CABIN1: variants seen among roughly 807,000 people sequenced by gnomAD.
The protein encoded by CABIN1 is calcineurin binding protein 1.
Under a neutral mutation model 227.7 loss-of-function variants are expected in CABIN1, and 133 were observed. The observed-to-expected ratio is 0.58, with a 90% CI of 0.51 to 0.67. The LOEUF (loss-of-function observed/expected upper bound fraction) is 0.67, where lower values mean the gene tolerates loss of function less well. CABIN1 is among the 30% of genes least tolerant of loss of function. CABIN1 has a pLI of 0.00. For synonymous variants in CABIN1, 1,086 were observed against 1,155.1 expected, an observed-to-expected ratio of 0.94 and a Z score of 1.21; for missense variants, 2,408 against 2,852.5, an observed-to-expected ratio of 0.84 and a Z score of 3.55.
At chr22:24,157,256 C>T (rs900720476) in intron 29 of CABIN1, among the ~76,000 whole-genome samples, 1 of 152,104 alleles carries the variant, frequency 6.6e-6, no homozygotes, top group Non-Finnish European at 1.5e-5. Flanking sequence ...AACAGGACTG[C>T]GGGAGGGGCC....
At chr22:24,174,829 A>T (rs925819126) in intron 34 of CABIN1, among the ~76,000 whole-genome samples, 7 of 152,096 alleles carry the variant, frequency 4.6e-5, no homozygotes, top group Non-Finnish European at 1.0e-4. Context: ...CCGAGAGAAC[A>T]CAGAGGAAGC....
chr22:24,130,234 A>C (rs926641683), intron 28 of CABIN1, among the ~76,000 whole-genome samples: 1 of 152,182 alleles, frequency 6.6e-6, no homozygotes, highest in African/African-American at 2.4e-5. Flanking sequence ...GACAGGTTGC[A>C]TGAGGCCTGA....
At chr22:24,157,390 G>A (rs1237672916) in intron 29 of CABIN1, among the ~76,000 whole-genome samples, 2 of 152,152 alleles carry the variant, frequency 1.3e-5, no homozygotes, top group East Asian at 1.9e-4. Flanking sequence ...CTGGGCCAGG[G>A]CTCGGAGGGG....
chr22:24,166,539 C>T, intron 31 of CABIN1, 100 bp from the exon 32 acceptor site: 1 of 1,424,026 alleles, frequency 7.0e-7, no homozygotes. Flanking sequence ...ACACAGATGT[C>T]AGGTGGGAGA....
rs1481755367 is a variant in CABIN1, at chr22:24,097,508, A to G, written c.3939-506A>G. ...CTTTCTAGTGGCTACTTACTATACC[A>G]TAGTATGGATGTACCATGTTTTATG... On this transcript the variant is annotated intron_variant, in intron 25 of 36. Coordinates refer to ENST00000263119, the MANE Select transcript of CABIN1 (RefSeq NM_012295.4). Among the ~76,000 whole-genome samples the G allele has an allele frequency of 3.3e-5, 5 of 152,206 alleles. No individual in the cohort carries two copies. In the East Asian group the frequency reaches 7.7e-4, roughly 23 times the overall value.
At chr22:24,115,394 G>A (rs559995297) in intron 27 of CABIN1, among the ~76,000 whole-genome samples, 18 of 152,318 alleles carry the variant, frequency 1.2e-4, no homozygotes, top group African/African-American at 3.8e-4. Flanking sequence ...TGTGGGGCTG[G>A]CCATTGGTGA....
At chr22:24,045,002 G>C (rs867516555) in intron 6 of CABIN1, among the ~76,000 whole-genome samples, 5 of 150,966 alleles carry the variant, frequency 3.3e-5, no homozygotes, top group Non-Finnish European at 7.4e-5. Context: ...TTATCGCAAG[G>C]TCCACCTCCC....
chr22:24,114,254 C>T (rs2042964252), intron 27 of CABIN1, among the ~76,000 whole-genome samples: 1 of 152,178 alleles, frequency 6.6e-6, no homozygotes, highest in African/African-American at 2.4e-5. Context: ...CCTGGGGGGT[C>T]CAGGCCCCCT....
At chr22:24,092,599 C>T (rs942689947) in intron 24 of CABIN1, among the ~76,000 whole-genome samples, 5 of 152,124 alleles carry the variant, frequency 3.3e-5, no homozygotes, top group Admixed American at 2.0e-4. Flanking sequence ...CTCTACCAGT[C>T]TCACGTGCCC....
chr22:24,071,400 C>T (rs1301515838), intron 17 of CABIN1, among the ~76,000 whole-genome samples: 2 of 152,128 alleles, frequency 1.3e-5, no homozygotes, highest in Non-Finnish European at 2.9e-5. Flanking sequence ...CAGCATCCCA[C>T]GGTATCCTGG....
intron 33 of CABIN1, 123 bp from the exon 34 acceptor site, chr22:24,171,590 C>A: frequency 1.8e-6 from 2 of 1,099,710 alleles, no homozygotes; most frequent in Non-Finnish European, 2.7e-6. Context: ...GCCATATGGG[C>A]AGTGTTGGCA....
chr22:24,122,184 T>A lies in CABIN1; in HGVS notation c.4632+2486T>A, dbSNP rs565698745. The stretch of plus-strand genomic sequence containing the variant: ...ACAGCCTGCCCCTTCTCTTGATGAT[T>A]TTTTTAGAAGTAGAAAACAGTATTT... On this transcript the variant is annotated intron_variant, in intron 28 of 36. Coordinates refer to ENST00000263119, the MANE Select transcript of CABIN1 (RefSeq NM_012295.4). 7.2e-5 allele frequency among the ~76,000 whole-genome samples: 11 copies of A among 152,242 alleles called. No homozygotes were observed. The East Asian group carries it at 2.1e-3, about 29-fold the overall frequency.
intron 29 of CABIN1, among the ~76,000 whole-genome samples, chr22:24,151,384 G>A (rs2045474755): frequency 6.6e-6 from 1 of 152,090 alleles, no homozygotes. Context: ...TTGCAGCCTA[G>A]CCAGAGGAGC....
At chr22:24,088,783 C>T (rs1348813337) in intron 23 of CABIN1, among the ~76,000 whole-genome samples, 1 of 152,144 alleles carries the variant, frequency 6.6e-6, no homozygotes, top group Admixed American at 6.6e-5. Context: ...AATATGTACT[C>T]CTAGAAAAAA....
intron 1 of CABIN1, among the ~76,000 whole-genome samples, chr22:24,031,037 G>A (rs567110534): frequency 1.3e-5 from 2 of 152,292 alleles, no homozygotes; most frequent in Admixed American, 6.5e-5. Flanking sequence ...GTTGGCCTTG[G>A]CATGATGGCT....
intron 26 of CABIN1, among the ~76,000 whole-genome samples, chr22:24,107,660 A>G (rs1409855966): frequency 1.3e-5 from 2 of 152,206 alleles, no homozygotes; most frequent in African/African-American, 4.8e-5. Flanking sequence ...TTCACATTGC[A>G]GCATCAAGAG....
chr22:24,078,496 A>G (rs938817972), intron 19 of CABIN1, among the ~76,000 whole-genome samples: 6 of 152,222 alleles, frequency 3.9e-5, no homozygotes, highest in African/African-American at 1.4e-4. Flanking sequence ...GGCCAACATC[A>G]GGGAGACCTT....
chr22:24,038,033 G>A (rs1015210984), intron 3 of CABIN1, among the ~76,000 whole-genome samples: 4 of 152,182 alleles, frequency 2.6e-5, no homozygotes, highest in South Asian at 2.1e-4. Context: ...CAGAGCTTCC[G>A]TGCCCTCTCC....
chr22:24,176,343 G>A, intron 35 of CABIN1, 68 bp downstream of exon 35: 1 of 1,525,300 alleles, frequency 6.6e-7, no homozygotes, highest in Non-Finnish European at 8.8e-7. Context: ...CAGCCAGGGT[G>A]GGTTTCCCGG....
Sources: gnomAD v4.1 joint callset for allele counts (sites outside exome capture counted in the v4.1 genomes callset) on GRCh38, gnomAD v4.1.1 for gene constraint, MANE v1.5 for transcripts, NCBI Gene and HGNC (gene_info 2026-07-23, HGNC 2026-07-21) for gene names.